FAM184B: variants seen among roughly 807,000 people sequenced by gnomAD.
FAM184B encodes protein FAM184B.
FAM184B carries 111 observed loss-of-function variants against 135.9 expected under a neutral mutation model. The ratio of observed to expected loss-of-function variants is 0.82; its 90% CI spans 0.70 to 0.96. FAM184B has a LOEUF of 0.96. Ranked by LOEUF, FAM184B falls within the 40% of genes least tolerant of loss-of-function variation. FAM184B has a pLI of 0.00. For synonymous variants in FAM184B, 552 were observed against 524.8 expected (o/e 1.05, Z -0.71); for missense variants, 1,375 against 1,323.9 (o/e 1.04, Z -0.60).
intron 1 of FAM184B, among the ~76,000 whole-genome samples, chr4:17,744,896 G>A (rs1266162934): frequency 1.3e-5 from 2 of 152,212 alleles, no homozygotes; most frequent in Admixed American, 1.3e-4. Context: ...CTGAGATTGA[G>A]AGGCAGCTGG....
chr4:17,687,284 T>C (rs1577260669), intron 7 of FAM184B, among the ~76,000 whole-genome samples: 2 of 152,300 alleles, frequency 1.3e-5, no homozygotes, highest in South Asian at 2.1e-4. Context: ...GAGTTTGAAA[T>C]GGCCTGAAAA....
At chr4:17,652,749 T>G in intron 11 of FAM184B, 81 bp downstream of exon 11, 1 of 1,468,718 alleles carries the variant, frequency 6.8e-7, no homozygotes, top group South Asian at 1.3e-5. Flanking sequence ...CCTGGAGCCC[T>G]GGCCCTCAGC....
At chr4:17,707,999 T>A (rs1418700619) in intron 2 of FAM184B, among the ~76,000 whole-genome samples, 2 of 151,786 alleles carry the variant, frequency 1.3e-5, no homozygotes, top group African/African-American at 2.4e-5. Context: ...AAAAAAAAAA[T>A]GCTCAGGGAG....
intron 10 of FAM184B, among the ~76,000 whole-genome samples, chr4:17,655,362 G>T (rs900228149): frequency 1.3e-5 from 2 of 152,110 alleles, no homozygotes; most frequent in African/African-American, 4.8e-5. Flanking sequence ...GCAAGTAAAG[G>T]TTCAGGTCAG....
chr4:17,648,261 C>T (rs766767658), intron 11 of FAM184B, among the ~76,000 whole-genome samples: 36 of 151,918 alleles, frequency 2.4e-4, no homozygotes, highest in Admixed American at 4.6e-4. Context: ...GGAGGCCAGG[C>T]AAAGAACAGG....
At chr4:17,743,562 C>T (rs1026125642) in intron 1 of FAM184B, among the ~76,000 whole-genome samples, 3 of 152,170 alleles carry the variant, frequency 2.0e-5, no homozygotes, top group African/African-American at 7.2e-5. Flanking sequence ...TCTTCCTCCC[C>T]AGCCACTTCA....
At chr4:17,641,429 C>G (rs6825737) in intron 13 of FAM184B, among the ~76,000 whole-genome samples, 3 of 146,884 alleles carry the variant, frequency 2.0e-5, no homozygotes, top group Non-Finnish European at 4.5e-5. Context: ...TCATAAATGC[C>G]CTGATTTGCA....
At chr4:17,763,811 G>A (rs930955939) in intron 1 of FAM184B, among the ~76,000 whole-genome samples, 2 of 152,162 alleles carry the variant, frequency 1.3e-5, no homozygotes, top group African/African-American at 4.8e-5. Context: ...GCAAGTGCAA[G>A]GAACAGCAGA....
chr4:17,776,019 A>G (rs927807163), intron 1 of FAM184B, among the ~76,000 whole-genome samples: 1 of 152,226 alleles, frequency 6.6e-6, no homozygotes, highest in Non-Finnish European at 1.5e-5. Context: ...TACGTATTTT[A>G]GAATCTTTTG....
At position 17,659,966 on chromosome 4, in the gene FAM184B, G is replaced by C. The variant is rs1399171664; in HGVS notation, c.1816C>G (p.Gln606Glu). Residue 606 changes from glutamine (Q) to glutamate (E), a missense_variant, in exon 9 of 18, where the codon CAA becomes GAA. Coordinates refer to ENST00000265018, the MANE Select transcript of FAM184B (RefSeq NM_015688.2). The part of the protein sequence containing the change: ...EDWQSQKAKL[Q>E]AQVSQMQQAL... ...CACCAGGGTTGTCCTACCTGGGCTT[G>C]CAATTTGGCCTTCTGGCTTTGCCAG... The C allele has an allele frequency of 4.1e-5, 64 of 1,550,746 alleles. No individual in the cohort carries two copies. The highest frequency in any genetic ancestry group is 5.4e-5 in the Non-Finnish European group (62 of 1,146,982).
intron 1 of FAM184B, among the ~76,000 whole-genome samples, chr4:17,766,612 G>C (rs547217419): frequency 4.7e-4 from 71 of 152,168 alleles, no homozygotes; most frequent in South Asian, 1.2e-3. Context: ...AGATTAGCTA[G>C]ATACAGAGTG....
rs1181143684 is a variant in FAM184B, at chr4:17,707,652, T to G, written c.1027A>C (p.Thr343Pro). 6.4e-7 allele frequency: 1 copy of G among 1,551,710 alleles called. No individual in the cohort carries two copies. Among genetic ancestry groups the G allele is most frequent in the East Asian group, 2.4e-5 (1 of 40,926 alleles). Reference sequence around the variant, plus strand: ...AAATCATTCCAGGGCATCTCACCTGTCTGCTGTGTCCCACGACACTCCTGC... The same window carrying G: ...AAATCATTCCAGGGCATCTCACCTGGCTGCTGTGTCCCACGACACTCCTGC... ...MLQECRGTQQ[T>P]DAMKTELVSE... The change falls in exon 3 of 18, where the codon ACA becomes CCA. Residue 343 changes from threonine (T) to proline (P), a missense_variant. Transcript: ENST00000265018.
At chr4:17,714,338 G>A (rs1400606439) in intron 1 of FAM184B, among the ~76,000 whole-genome samples, 1 of 152,022 alleles carries the variant, frequency 6.6e-6, no homozygotes, top group Non-Finnish European at 1.5e-5. Context: ...GCCAATGTGG[G>A]GACATTAAGA....
chr4:17,632,805 C>T, intron 17 of FAM184B, 180 bp from the exon 18 acceptor site: 1 of 518,672 alleles, frequency 1.9e-6, no homozygotes, highest in Non-Finnish European at 3.5e-6. Flanking sequence ...GGAGGGAGTA[C>T]CTAATCCTCA....
In FAM184B at chr4:17,642,124, C is replaced by T. The variant is rs990031014; in HGVS notation, c.2451G>A (p.Ala817=). ...LWEENAQLQD[A]VRRLRAEVEQ... ...CCACCTCCGCGCGCAGCCGCCGCAC[C>T]GCGTCCTGGAGCTGCGCGTTCTCCT... The change falls in exon 13 of 18, where the codon GCG becomes GCA. Residue 817 remains alanine, a synonymous_variant. Transcript: ENST00000265018. The T allele has an allele frequency of 2.3e-5, 35 of 1,533,088 alleles. No homozygotes were observed. The East Asian group carries it at 7.4e-4, about 32-fold the overall frequency. 95.0% of individuals were successfully genotyped at this position (1,533,088 alleles called of 1,614,324 possible). A position where few individuals can be genotyped will look rare whatever the true frequency, so the allele number is the denominator to read the frequency against.
chr4:17,640,250 A>G (rs1339862844), intron 13 of FAM184B, among the ~76,000 whole-genome samples: 3 of 150,208 alleles, frequency 2.0e-5, no homozygotes, highest in African/African-American at 7.3e-5. Context: ...AGGCGGGAGG[A>G]TCACGAGGAC....
rs1020134151 is a variant in FAM184B at position 17,630,628 on chromosome 4, T to C, written c.*1904A>G. 1 of 152,168 alleles carries C rather than the reference T, an allele frequency of 6.6e-6. No individual in the cohort carries two copies. The highest frequency in any genetic ancestry group is 1.5e-5 in the Non-Finnish European group (1 of 68,022). 9.4% of individuals were successfully genotyped at this position (152,168 alleles called of 1,614,324 possible). On this transcript the variant is annotated 3_prime_UTR_variant, in exon 18 of 18. Coordinates refer to ENST00000265018, the MANE Select transcript of FAM184B (RefSeq NM_015688.2). ...AACTAAGACACTCTAAGCGGGAAACTCACAAAAAATATTTGGTAGTGAAAA... is the reference window on the plus strand; with the variant it reads ...AACTAAGACACTCTAAGCGGGAAACCCACAAAAAATATTTGGTAGTGAAAA...
chr4:17,772,650 C>A (rs1421561585), intron 1 of FAM184B, among the ~76,000 whole-genome samples: 1 of 152,226 alleles, frequency 6.6e-6, no homozygotes, highest in African/African-American at 2.4e-5. Flanking sequence ...AATAACATTC[C>A]TCTTCCCCAC....
chr4:17,662,133 A>T (rs114094089), intron 8 of FAM184B, among the ~76,000 whole-genome samples: 2,058 of 152,226 alleles, frequency 0.014, 43 homozygotes, highest in African/African-American at 0.047. Context: ...GTTGCTCCTC[A>T]TCATGACTTT....
Sources: gnomAD v4.1 joint callset for allele counts (sites outside exome capture counted in the v4.1 genomes callset) on GRCh38, gnomAD v4.1.1 for gene constraint, MANE v1.5 for transcripts, NCBI Gene and HGNC (gene_info 2026-07-23, HGNC 2026-07-21) for gene names.